Variants in MAPT observed in about 807,000 individuals in gnomAD.
The protein encoded by MAPT is microtubule-associated protein tau.
MAPT carries 34 observed loss-of-function variants against 67.9 expected under a neutral mutation model. The ratio of observed to expected loss-of-function variants is 0.50; its 90% CI spans 0.38 to 0.67. The LOEUF (loss-of-function observed/expected upper bound fraction) is 0.67. Among genes scored for constraint, MAPT ranks in the 30% least tolerant of loss-of-function variants. The pLI, the probability that MAPT is intolerant of heterozygous loss-of-function variation, is 0.00. For synonymous variants in MAPT, 456 were observed against 464.5 expected, an observed-to-expected ratio of 0.98 and a Z score of 0.23; for missense variants, 881 against 1,115.2, an observed-to-expected ratio of 0.79 and a Z score of 2.99.
intron 1 of MAPT, among the ~76,000 whole-genome samples, chr17:45,956,050 T>C (rs1057515377): frequency 6.6e-6 from 1 of 152,238 alleles, no homozygotes; most frequent in Non-Finnish European, 1.5e-5. Context: ...TCCATTTAAA[T>C]GTATGCCTAA....
intron 3 of MAPT, chr17:45,976,906 C>G (rs1338535127): frequency 6.6e-6 from 1 of 152,328 alleles, no homozygotes; most frequent in Non-Finnish European, 1.5e-5. Flanking sequence ...CTCAAGGACT[C>G]TGGCATTTAG....
chr17:45,924,306 C>T (rs762712660), intron 1 of MAPT, among the ~76,000 whole-genome samples: 6 of 152,106 alleles, frequency 3.9e-5, no homozygotes, highest in Non-Finnish European at 8.8e-5. Flanking sequence ...TGTAGAGCCA[C>T]GTGCGCTTTA....
rs374671842 is a variant in MAPT at position 45,903,771 on chromosome 17, TAA to T, written c.-18+9086_-18+9087del. On this transcript the variant is annotated intron_variant, in intron 1 of 12. Transcript: ENST00000262410. ...TTTATATATATTTTTTTTATATATATAATATATATTAAAATATAATATATATA... is the reference window on the plus strand; with the variant it reads ...TTTATATATATTTTTTTTATATATATTATATATTAAAATATAATATATATA... Among the ~76,000 whole-genome samples the T allele has an allele frequency of 1.1e-3, 95 of 89,230 alleles. 1 individual carries two copies. Among genetic ancestry groups the T allele is most frequent in the Non-Finnish European group, 1.8e-3 (81 of 44,334 alleles). 58.5% of individuals were successfully genotyped at this position (89,230 alleles called of 152,430 possible). A position where few individuals can be genotyped will look rare whatever the true frequency, so the allele number is the denominator to read the frequency against.
chr17:46,001,656 G>A (rs1335413189), intron 9 of MAPT, among the ~76,000 whole-genome samples: 3 of 152,110 alleles, frequency 2.0e-5, no homozygotes, highest in African/African-American at 7.2e-5. Flanking sequence ...CAGTGAGACT[G>A]AGACTCTATT....
At chr17:45,929,071 T>C (rs570624460) in intron 1 of MAPT, among the ~76,000 whole-genome samples, 3 of 151,354 alleles carry the variant, frequency 2.0e-5, no homozygotes, top group East Asian at 1.9e-4. Context: ...ATCTGCCTTG[T>C]GCTTCACATT....
At chr17:45,942,511 G>C (rs2068090944) in intron 1 of MAPT, among the ~76,000 whole-genome samples, 1 of 152,224 alleles carries the variant, frequency 6.6e-6, no homozygotes, top group African/African-American at 2.4e-5. Flanking sequence ...GCCTTCCACA[G>C]TCTTTCTTTT....
chr17:45,997,583 C>T (rs1213493651), intron 9 of MAPT, among the ~76,000 whole-genome samples: 1 of 152,170 alleles, frequency 6.6e-6, no homozygotes, highest in African/African-American at 2.4e-5. Context: ...CAGGGTGAAA[C>T]CTCGTCTCTA....
At chr17:45,982,536 G>T (rs2073078533) in intron 4 of MAPT, among the ~76,000 whole-genome samples, 1 of 152,030 alleles carries the variant, frequency 6.6e-6, no homozygotes, top group Non-Finnish European at 1.5e-5. Flanking sequence ...CATGCTCTGT[G>T]CCCAACCAGA....
At chr17:46,006,353 C>T (rs1025784565) in intron 9 of MAPT, among the ~76,000 whole-genome samples, 5 of 152,152 alleles carry the variant, frequency 3.3e-5, no homozygotes, top group African/African-American at 1.2e-4. Context: ...ACAGACTTCA[C>T]ATGTTCTCAC....
intron 1 of MAPT, among the ~76,000 whole-genome samples, chr17:45,921,677 C>T (rs917459688): frequency 1.3e-5 from 2 of 152,174 alleles, no homozygotes; most frequent in Non-Finnish European, 2.9e-5. Context: ...CATGAGATAT[C>T]CCTATTTGCA....
chr17:46,015,595 C>G (rs890456570), intron 11 of MAPT, among the ~76,000 whole-genome samples: 4 of 148,660 alleles, frequency 2.7e-5, no homozygotes, highest in Admixed American at 2.0e-4. Context: ...GGAGGCGGAG[C>G]TTGCAGTGAG....
At chr17:45,970,914 G>C (rs1315735793) in intron 2 of MAPT, among the ~76,000 whole-genome samples, 1 of 152,248 alleles carries the variant, frequency 6.6e-6, no homozygotes, top group Non-Finnish European at 1.5e-5. Context: ...AGCACAGGCT[G>C]TATCTTCTGA....
intron 1 of MAPT, among the ~76,000 whole-genome samples, chr17:45,958,987 C>T (rs1311217507): frequency 1.3e-5 from 2 of 151,996 alleles, no homozygotes; most frequent in East Asian, 1.9e-4. Flanking sequence ...TGCTTGAACA[C>T]GGGAGGCAGA....
intron 1 of MAPT, among the ~76,000 whole-genome samples, chr17:45,950,958 C>T (rs181477952): frequency 2.0e-5 from 3 of 152,264 alleles, no homozygotes; most frequent in South Asian, 2.1e-4. Context: ...CCACCGCACT[C>T]GGCTCCACAC....
chr17:45,962,523 G>C lies in MAPT; in HGVS notation c.133+53G>C, dbSNP rs1032217944. ...CCAGATCACTGCAAGCCAAGGGGTG[G>C]CGGGAACAGTTTGCATCCAGAATTG... On this transcript the variant is annotated intron_variant, in intron 2 of 12. Transcript: ENST00000262410. The C allele has an allele frequency of 6.2e-6, 10 of 1,607,302 alleles. No individual in the cohort carries two copies. In the African/African-American group the frequency reaches 1.1e-4, roughly 17 times the overall value.
intron 1 of MAPT, among the ~76,000 whole-genome samples, chr17:45,912,600 A>G (rs575093622): frequency 6.6e-6 from 1 of 152,308 alleles, no homozygotes; most frequent in East Asian, 1.9e-4. Context: ...GCTTCAACCT[A>G]GTGATCCTGA....
chr17:46,020,775 A>G (rs1316905347), intron 12 of MAPT, among the ~76,000 whole-genome samples: 1 of 152,118 alleles, frequency 6.6e-6, no homozygotes, highest in South Asian at 2.1e-4. Flanking sequence ...CTATGATTCA[A>G]TTACCTCCCA....
In MAPT at chr17:46,028,159, G is replaced by GC. The variant is rs1568358484; in HGVS notation, c.*3989dup. 7.9e-6 allele frequency: 1 copy of GC among 126,126 alleles called. No homozygotes were observed. Among genetic ancestry groups the GC allele is most frequent in the Non-Finnish European group, 1.6e-5 (1 of 63,108 alleles). 7.8% of individuals were successfully genotyped at this position (126,126 alleles called of 1,614,324 possible). A position where few individuals can be genotyped will look rare whatever the true frequency, so the allele number is the denominator to read the frequency against. ...TTGAGCAGGACTATTTCTGGCACTT[G>GC]CAAGTCCCATGATTTCTTCGGTAAT... On this transcript the variant is annotated 3_prime_UTR_variant, in exon 13 of 13. Coordinates refer to ENST00000262410, the MANE Select transcript of MAPT (RefSeq NM_001377265.1).
Position 45,991,448 on chromosome 17 carries a change from T to C in MAPT, c.1606-12T>C. ...AATGGTGAAAAACCCCTCTATCATG[T>C]TTCATTTACAGGGGGCTGATGGTAA... On this transcript the variant is annotated splice_polypyrimidine_tract_variant and intron_variant, in intron 7 of 12. Transcript: ENST00000262410. 1.9e-6 allele frequency: 3 copies of C among 1,614,138 alleles called. No individual in the cohort carries two copies. The South Asian group carries it at 3.3e-5, about 18-fold the overall frequency.
Sources: gnomAD v4.1 joint callset for allele counts (sites outside exome capture counted in the v4.1 genomes callset) on GRCh38, gnomAD v4.1.1 for gene constraint, MANE v1.5 for transcripts, NCBI Gene and HGNC (gene_info 2026-07-23, HGNC 2026-07-21) for gene names.